The following GRM7 variants were observed in gnomAD, a reference collection of about 807,000 sequenced individuals.
GRM7 encodes the protein metabotropic glutamate receptor 7.
A neutral mutation model predicts 84.5 loss-of-function variants in GRM7; 35 were observed. That is an observed-to-expected ratio of 0.41 (90% CI 0.32 to 0.55). The LOEUF is 0.55. GRM7 is among the 20% of genes least tolerant of loss of function. GRM7 has a pLI of 0.19. For missense variants in GRM7, 1,003 were observed against 1,194.6 expected, an observed-to-expected ratio of 0.84 and a Z score of 2.36; for synonymous variants, 487 against 455.1, an observed-to-expected ratio of 1.07 and a Z score of -0.89.
intron 1 of GRM7, among the ~76,000 whole-genome samples, chr3:7,083,781 T>G (rs1360728954): frequency 2.6e-5 from 4 of 152,090 alleles, no homozygotes; most frequent in African/African-American, 7.2e-5. Context: ...TTAGACGTAT[T>G]CTCTGTGAGT....
chr3:7,455,333 G>A (rs936741281), intron 6 of GRM7, among the ~76,000 whole-genome samples: 1 of 152,110 alleles, frequency 6.6e-6, no homozygotes, highest in African/African-American at 2.4e-5. Flanking sequence ...ACAGTATGAT[G>A]AGAAACAAGA....
chr3:6,926,055 A>G (rs1559332354), intron 1 of GRM7, among the ~76,000 whole-genome samples: 2 of 151,782 alleles, frequency 1.3e-5, no homozygotes, highest in African/African-American at 2.4e-5. Context: ...AGAAAGAGGG[A>G]CCCCCCAAAA....
chr3:7,515,956 A>C (rs1267096853), intron 7 of GRM7, among the ~76,000 whole-genome samples: 1 of 151,920 alleles, frequency 6.6e-6, no homozygotes, highest in African/African-American at 2.4e-5. Flanking sequence ...GAGCCTGGGA[A>C]ACATAGGGAG....
intron 5 of GRM7, among the ~76,000 whole-genome samples, chr3:7,428,269 A>G (rs1696692350): frequency 1.3e-5 from 2 of 149,006 alleles, no homozygotes; most frequent in African/African-American, 2.5e-5. Flanking sequence ...GTGGGCAAAG[A>G]AAAGACTGTC....
intron 5 of GRM7, among the ~76,000 whole-genome samples, chr3:7,449,072 T>C (rs1272345741): frequency 6.6e-6 from 1 of 152,176 alleles, no homozygotes; most frequent in Non-Finnish European, 1.5e-5. Context: ...AGAATTTAGT[T>C]AGTGGGTTCA....
At chr3:6,938,269 A>C (rs1012316536) in intron 1 of GRM7, among the ~76,000 whole-genome samples, 1 of 152,192 alleles carries the variant, frequency 6.6e-6, no homozygotes, top group South Asian at 2.1e-4. Context: ...GTTATTATCA[A>C]CTTCTTTCCC....
intron 2 of GRM7, among the ~76,000 whole-genome samples, chr3:7,248,847 T>C (rs1420534692): frequency 1.3e-5 from 2 of 152,194 alleles, no homozygotes; most frequent in South Asian, 2.1e-4. Flanking sequence ...TGGGCAATAG[T>C]AGGTCACCAG....
At chr3:7,216,235 G>A (rs1333854527) in intron 2 of GRM7, among the ~76,000 whole-genome samples, 1 of 152,116 alleles carries the variant, frequency 6.6e-6, no homozygotes, top group Non-Finnish European at 1.5e-5. Flanking sequence ...TTTAGAAGCT[G>A]CAGAAAGCAA....
intron 2 of GRM7, among the ~76,000 whole-genome samples, chr3:7,197,847 A>G (rs1361072221): frequency 6.6e-6 from 1 of 152,166 alleles, no homozygotes; most frequent in African/African-American, 2.4e-5. Flanking sequence ...AGCAAGAAAA[A>G]CAAAAAAACA....
intron 5 of GRM7, among the ~76,000 whole-genome samples, chr3:7,445,212 T>C (rs1697454312): frequency 6.6e-6 from 1 of 152,174 alleles, no homozygotes; most frequent in African/African-American, 2.4e-5. Context: ...GCATGAACTT[T>C]TAGATTACTT....
Position 7,395,922 on chromosome 3 carries a change from G to A in GRM7, c.1034-19101G>A, listed in dbSNP as rs532445855. Reference sequence around the variant, plus strand: ...GGAGGAGAATATTCAATCTTCTCACGCAGATAAATGATACATGTTTGGGAT... The same window carrying A: ...GGAGGAGAATATTCAATCTTCTCACACAGATAAATGATACATGTTTGGGAT... On this transcript the variant is annotated intron_variant, in intron 4 of 9. Coordinates refer to ENST00000357716, the MANE Select transcript of GRM7 (RefSeq NM_000844.4). Among the ~76,000 whole-genome samples the A allele has an allele frequency of 8.2e-4, 125 of 152,098 alleles. 2 individuals carry two copies. In the South Asian group the frequency reaches 0.022, roughly 26 times the overall value.
intron 5 of GRM7, among the ~76,000 whole-genome samples, chr3:7,430,717 T>G (rs1696792954): frequency 6.6e-6 from 1 of 152,232 alleles, no homozygotes; most frequent in Non-Finnish European, 1.5e-5. Context: ...TGGCCTCTCT[T>G]GTTTCTGCTT....
intron 2 of GRM7, among the ~76,000 whole-genome samples, chr3:7,232,608 A>G (rs1364684512): frequency 6.6e-6 from 1 of 152,240 alleles, no homozygotes; most frequent in Non-Finnish European, 1.5e-5. Context: ...GAGACAGAAG[A>G]GGACTCTTGC....
At chr3:7,039,133 AG>A (rs1696497973) in intron 1 of GRM7, among the ~76,000 whole-genome samples, 1 of 152,212 alleles carries the variant, frequency 6.6e-6, no homozygotes, top group African/African-American at 2.4e-5. Context: ...AAAAACTTTT[AG>A]TTTGAGACTC....
intron 1 of GRM7, among the ~76,000 whole-genome samples, chr3:6,933,884 T>A (rs1697595142): frequency 6.6e-6 from 1 of 152,064 alleles, no homozygotes; most frequent in Non-Finnish European, 1.5e-5. Context: ...CCAATACAAA[T>A]GGTAGGAAAT....
chr3:7,112,117 G>T (rs990016552), intron 1 of GRM7, among the ~76,000 whole-genome samples: 2 of 152,150 alleles, frequency 1.3e-5, no homozygotes, highest in Non-Finnish European at 2.9e-5. Flanking sequence ...AGAAAGCAGG[G>T]GTTATGCAGT....
At chr3:6,956,878 T>C (rs1430716233) in intron 1 of GRM7, among the ~76,000 whole-genome samples, 1 of 152,126 alleles carries the variant, frequency 6.6e-6, no homozygotes, top group Non-Finnish European at 1.5e-5. Flanking sequence ...TACAACCCCA[T>C]GGTAATGAAC....
In GRM7 at chr3:7,691,146, C is replaced by T. The variant is rs772205720; in HGVS notation, c.2698+10851C>T. 483 of 489,674 alleles carry T rather than the reference C, an allele frequency of 9.9e-4. 1 individual carries two copies. Among genetic ancestry groups the T allele is most frequent in the Non-Finnish European group, 1.5e-3 (401 of 262,386 alleles). The allele number at this position is 489,674 out of a possible 1,614,324, so 30.3% of individuals were successfully genotyped here. ...TCTCTATGATCTAAATGACTATTCT[C>T]ATGTTTTTTTTCAAGTTGAAGATTA... On this transcript the variant is annotated intron_variant, in intron 9 of 9. Transcript: ENST00000357716.
At chr3:7,351,426 T>C (rs1209752784) in intron 4 of GRM7, among the ~76,000 whole-genome samples, 2 of 151,296 alleles carry the variant, frequency 1.3e-5, no homozygotes, top group East Asian at 3.9e-4. Context: ...CTTCATATGC[T>C]TGCAGCCCTA....
Sources: gnomAD v4.1 joint callset for allele counts (sites outside exome capture counted in the v4.1 genomes callset) on GRCh38, gnomAD v4.1.1 for gene constraint, MANE v1.5 for transcripts, NCBI Gene and HGNC (gene_info 2026-07-23, HGNC 2026-07-21) for gene names.